ARMCX4: variants seen among roughly 807,000 people sequenced by gnomAD.
ARMCX4 encodes armadillo repeat containing X-linked 4.
ARMCX4 carries 3 observed loss-of-function variants against 34.7 expected under a neutral mutation model. The ratio of observed to expected loss-of-function variants is 0.09; its 90% confidence interval spans 0.04 to 0.22. The LOEUF (loss-of-function observed/expected upper bound fraction) is 0.22, where lower values mean the gene tolerates loss of function less well. Among genes scored for constraint, ARMCX4 ranks in the 10% least tolerant of loss-of-function variants. The pLI, the probability that ARMCX4 is intolerant of heterozygous loss-of-function variation, is 1.00. For missense variants in ARMCX4, 1,448 were observed against 1,720.8 expected (o/e 0.84, Z 2.81); for synonymous variants, 513 against 632.8 (o/e 0.81, Z 2.84).
chrX:101,423,152 CACTG>C (rs1555990368), intron 2 of ARMCX4, among the ~76,000 whole-genome samples: 2 of 109,511 alleles, frequency 1.8e-5, no homozygotes, highest in East Asian at 6.0e-4. Flanking sequence ...TCAGGCGATC[CACTG>C]GCCTCGGCCC....
At chrX:101,426,414 C>G (rs1201688816) in intron 2 of ARMCX4, among the ~76,000 whole-genome samples, 4 of 111,136 alleles carry the variant, frequency 3.6e-5, no homozygotes, top group Non-Finnish European at 5.7e-5. Context: ...TCTAAAGGCT[C>G]CCCCAACCCC....
downstream of ARMCX4, chrX:101,498,175 A>G (rs1934221584): frequency 6.1e-6 from 2 of 330,462 alleles, no homozygotes; most frequent in Non-Finnish European, 1.2e-5. Context: ...CCCTAGTAAA[A>G]ACGCTTCATG....
chrX:101,448,720 G>A (rs1555998500), downstream of ARMCX4, among the ~76,000 whole-genome samples: 2 of 109,201 alleles, frequency 1.8e-5, no homozygotes, highest in African/African-American at 6.7e-5. Context: ...AGCCTCCCAA[G>A]TAGCTGGGAC....
At chrX:101,458,514 C>T (rs1556000709) in intron 4 of ARMCX4, among the ~76,000 whole-genome samples, 3 of 109,410 alleles carry the variant, frequency 2.7e-5, no homozygotes, top group Non-Finnish European at 3.8e-5. Context: ...CAATATCCCC[C>T]CCCTTTTTTT....
chrX:101,482,345 T>A (rs370882930), upstream of ARMCX4, among the ~76,000 whole-genome samples: 102 of 111,417 alleles, frequency 9.2e-4, 1 homozygote, highest in African/African-American at 3.0e-3. Flanking sequence ...TGGGTGAGGA[T>A]AGGGGAGTGA....
At chrX:101,524,231 T>C (rs1350930834) in intron 11 of ARMCX4, 1 of 112,257 alleles carries the variant, frequency 8.9e-6, no homozygotes, top group Non-Finnish European at 1.9e-5. Context: ...AATTTATAAA[T>C]TCAAGAAGTT....
chrX:101,440,964 G>A (rs1201356701), intron 2 of ARMCX4, among the ~76,000 whole-genome samples: 4 of 110,976 alleles, frequency 3.6e-5, no homozygotes, highest in African/African-American at 9.9e-5. Flanking sequence ...CATGCTCGGT[G>A]TGCTGCACCC....
At chrX:101,424,770 G>A (rs1048929758) in intron 2 of ARMCX4, among the ~76,000 whole-genome samples, 1 of 111,943 alleles carries the variant, frequency 8.9e-6, no homozygotes, top group Non-Finnish European at 1.9e-5. Flanking sequence ...ACAACTGGAT[G>A]TTTGGAGTAA....
intron 11 of ARMCX4, among the ~76,000 whole-genome samples, chrX:101,515,393 C>CTTTTTCTTT (rs1556017492): frequency 5.7e-4 from 6 of 10,437 alleles, no homozygotes; most frequent in Non-Finnish European, 1.0e-3. Context: ...TTCTTTCTTT[C>CTTTTTCTTT]CCTCCCTCCC....
intron 4 of ARMCX4, among the ~76,000 whole-genome samples, chrX:101,463,154 G>A (rs1026340785): frequency 5.4e-4 from 60 of 111,855 alleles, no homozygotes; most frequent in African/African-American, 1.9e-3. Flanking sequence ...GAGAGGAGGT[G>A]GTTCAAGTCC....
chrX:101,528,374 G>T (rs1490731112), intron 11 of ARMCX4, among the ~76,000 whole-genome samples: 1 of 111,756 alleles, frequency 8.9e-6, no homozygotes, highest in Admixed American at 9.5e-5. Context: ...CACAGCCAAT[G>T]TCATACTGAA....
At chrX:101,436,501 T>G (rs1239546796) in intron 2 of ARMCX4, among the ~76,000 whole-genome samples, 2 of 111,595 alleles carry the variant, frequency 1.8e-5, no homozygotes, top group African/African-American at 6.5e-5. Flanking sequence ...TTTTGTATCC[T>G]GAGACTTTGC....
upstream of ARMCX4, among the ~76,000 whole-genome samples, chrX:101,484,145 GA>G (rs1317238283): frequency 3.6e-5 from 4 of 111,254 alleles, no homozygotes; most frequent in Non-Finnish European, 7.5e-5. Flanking sequence ...ACTTGTGAGG[GA>G]AAAAAATAAT....
chrX:101,529,356 A>G (rs1295388493), intron 11 of ARMCX4, among the ~76,000 whole-genome samples: 2 of 111,237 alleles, frequency 1.8e-5, no homozygotes, highest in Non-Finnish European at 1.9e-5. Context: ...AGACTTAAAT[A>G]TTAGACCTAA....
intron 11 of ARMCX4, among the ~76,000 whole-genome samples, chrX:101,512,756 A>C (rs1556016618): frequency 2.8e-5 from 3 of 106,556 alleles, no homozygotes; most frequent in South Asian, 8.4e-4. Context: ...GTGTGTATAC[A>C]TACATATATA....
intron 2 of ARMCX4, among the ~76,000 whole-genome samples, chrX:101,431,567 A>G (rs781870138): frequency 3.1e-4 from 34 of 111,168 alleles, no homozygotes; most frequent in Non-Finnish European, 5.3e-4. Context: ...TTTTTGAGAC[A>G]GAGTCTCGCT....
chrX:101,529,421 A>T (rs1489701855), intron 11 of ARMCX4, among the ~76,000 whole-genome samples: 1 of 112,069 alleles, frequency 8.9e-6, no homozygotes, highest in Non-Finnish European at 1.9e-5. Context: ...ACGTAGGCAT[A>T]GTCAAGGACT....
chrX:101,530,237 G>A (rs996379868), intron 11 of ARMCX4, among the ~76,000 whole-genome samples: 1 of 111,738 alleles, frequency 8.9e-6, no homozygotes, highest in Non-Finnish European at 1.9e-5. Flanking sequence ...CACAAGGACA[G>A]AAAACCAAAC....
At chrX:101,533,715 A>G (rs1935172153), downstream of ARMCX4, among the ~76,000 whole-genome samples, 1 of 112,301 alleles carries the variant, frequency 8.9e-6, no homozygotes, top group African/African-American at 3.2e-5. Flanking sequence ...AAAAATATAT[A>G]CATTTCTAAC....
Sources: allele counts gnomAD v4.1 joint callset (sites outside exome capture counted in the v4.1 genomes callset), GRCh38; gene constraint gnomAD v4.1.1; transcripts MANE v1.5; gene names NCBI Gene and HGNC (gene_info 2026-07-23, HGNC 2026-07-21).